Variants in RS1 observed in about 807,000 individuals in gnomAD.
The protein encoded by RS1 is retinoschisin 1.
A neutral mutation model predicts 20.8 loss-of-function variants in RS1; 2 were observed. The observed-to-expected ratio is 0.10, with a 90% CI of 0.04 to 0.30. RS1 has a LOEUF of 0.30. Ranked by LOEUF, RS1 falls within the 10% of genes least tolerant of loss-of-function variation. RS1 has a pLI of 1.00. For missense variants in RS1, 151 were observed against 189.8 expected (o/e 0.80, Z 1.20); for synonymous variants, 70 against 75.8 (o/e 0.92, Z 0.40).
chrX:18,650,247 A>G (rs1437978272), intron 3 of RS1: 2 of 513,555 alleles, frequency 3.9e-6, no homozygotes, highest in Non-Finnish European at 6.8e-6. Context: ...TGTGTGGCTC[A>G]CTCTGCGATC....
Position 18,644,506 on chromosome X carries a change from G to A in RS1, c.446C>T (p.Thr149Ile). 8.3e-7 allele frequency: 1 copy of A among 1,211,274 alleles called. No homozygotes were observed. The highest frequency in any genetic ancestry group is 1.1e-6 in the Non-Finnish European group (1 of 895,047). ...GGTCCTGTACTGCACGCTGTACTTG[G>A]TCATCCACTCATCGATGTCACAGCG... Reference protein sequence around the residue: ...QGRCDIDEWMTKYSVQYRTDE... With the variant: ...QGRCDIDEWMIKYSVQYRTDE... The change falls in exon 5 of 6, where the codon ACC becomes ATC. Residue 149 changes from threonine to isoleucine, a missense_variant. Coordinates refer to ENST00000379984, the MANE Select transcript of RS1 (RefSeq NM_000330.4).
chrX:18,643,659 G>T (rs149011498), intron 5 of RS1, among the ~76,000 whole-genome samples: 1 of 111,787 alleles, frequency 8.9e-6, no homozygotes, highest in South Asian at 3.8e-4. Flanking sequence ...CGTCTTGGCC[G>T]TACAAATTGT....
chrX:18,651,258 TGTGTGTGAGAGAGAGA>T (rs1359953076), intron 3 of RS1, among the ~76,000 whole-genome samples: 2 of 97,190 alleles, frequency 2.1e-5, no homozygotes, highest in Non-Finnish European at 4.0e-5. Flanking sequence ...TGTGTGTGTG[TGTGTGTGAGAGAGAGA>T]GAGAGAGAGA....
chrX:18,642,276 G>A, intron 5 of RS1, 120 bp from the exon 6 acceptor site: 1 of 764,711 alleles, frequency 1.3e-6, no homozygotes, highest in Non-Finnish European at 2.0e-6. Flanking sequence ...AGTTAAAGCA[G>A]TTTGCGGGTG....
At position 18,655,625 on chromosome X, in the gene RS1, A is replaced by G. The variant is rs146981260; in HGVS notation, c.184+1028T>C. 4.9e-3 allele frequency among the ~76,000 whole-genome samples: 546 copies of G among 112,084 alleles called. 3 individuals are homozygous for G. Among genetic ancestry groups the G allele is most frequent in the African/African-American group, 0.016 (500 of 30,857 alleles). ...AGACCAGGTTGCAGAAAAAGCCACT[A>G]TCTCAACAGGTGGCTTCACAGCAGG... On this transcript the variant is annotated intron_variant, in intron 3 of 5. Transcript: ENST00000379984.
At chrX:18,667,729 A>C (rs1162260089) in intron 1 of RS1, among the ~76,000 whole-genome samples, 1 of 110,898 alleles carries the variant, frequency 9.0e-6, no homozygotes, top group Non-Finnish European at 1.9e-5. Flanking sequence ...CAAGGAAGAG[A>C]GGCCTGCTTT....
chrX:18,652,146 G>A (rs1374938729), intron 3 of RS1, among the ~76,000 whole-genome samples: 2 of 110,970 alleles, frequency 1.8e-5, no homozygotes, highest in Non-Finnish European at 3.8e-5. Flanking sequence ...ACAGGTGCTG[G>A]GCACTCTCTA....
At chrX:18,666,930 ATC>A (rs760735118) in intron 1 of RS1, among the ~76,000 whole-genome samples, 9 of 110,768 alleles carry the variant, frequency 8.1e-5, no homozygotes, top group African/African-American at 3.0e-4. Flanking sequence ...GAGGAGGATG[ATC>A]TGTTTGGGAC....
Position 18,640,771 on chromosome X carries a change from C to G in RS1, c.*1233G>C, listed in dbSNP as rs966612203. 2 of 112,429 alleles carry G rather than the reference C, an allele frequency of 1.8e-5. No individual in the cohort carries two copies. Among genetic ancestry groups the G allele is most frequent in the Non-Finnish European group, 3.8e-5 (2 of 53,204 alleles). 9.3% of individuals were successfully genotyped at this position (112,429 alleles called of 1,213,427 possible). ...GCCAGAACAGTCTTTAGAGCAGCCT[C>G]GTCCTCTGATTCCACCACCTGCTCT... On this transcript the variant is annotated 3_prime_UTR_variant, in exon 6 of 6. Coordinates refer to ENST00000379984, the MANE Select transcript of RS1 (RefSeq NM_000330.4).
chrX:18,670,419 G>T (rs1403574750), intron 1 of RS1, among the ~76,000 whole-genome samples: 1 of 109,787 alleles, frequency 9.1e-6, no homozygotes, highest in Non-Finnish European at 1.9e-5. Context: ...TAGAGACGGG[G>T]TTTCACCAGG....
At chrX:18,655,095 A>T (rs1179996154) in intron 3 of RS1, among the ~76,000 whole-genome samples, 1 of 112,255 alleles carries the variant, frequency 8.9e-6, no homozygotes, top group Non-Finnish European at 1.9e-5. Context: ...CAAGCCTCTG[A>T]AAATTGGATC....
At chrX:18,652,370 GAATT>G (rs1346023949) in intron 3 of RS1, among the ~76,000 whole-genome samples, 1 of 112,325 alleles carries the variant, frequency 8.9e-6, no homozygotes, top group East Asian at 2.8e-4. Flanking sequence ...TGTTGTGAAA[GAATT>G]AAGGGGATCC....
Position 18,641,936 on chromosome X carries a change from G to T in RS1, c.*68C>A. On this transcript the variant is annotated 3_prime_UTR_variant, in exon 6 of 6. Transcript: ENST00000379984. ...ATAGCCCTGTCCATCTCGGTGGTGT[G>T]TGAGGGGGTCCCCTACGGCCCGCTC... 1 of 1,126,179 alleles carries T rather than the reference G, an allele frequency of 8.9e-7. No individual in the cohort carries two copies. Among genetic ancestry groups the T allele is most frequent in the Non-Finnish European group, 1.2e-6 (1 of 828,022 alleles). 92.8% of individuals were successfully genotyped at this position (1,126,179 alleles called of 1,213,427 possible).
At chrX:18,650,560 C>T in intron 3 of RS1, 2 of 1,212,322 alleles carry the variant, frequency 1.6e-6, no homozygotes, top group Non-Finnish European at 2.2e-6. Flanking sequence ...GTCCGAGGCA[C>T]TGATGCTTTC....
intron 4 of RS1, among the ~76,000 whole-genome samples, chrX:18,646,646 G>A (rs1228628627): frequency 9.0e-6 from 1 of 111,314 alleles, no homozygotes; most frequent in African/African-American, 3.3e-5. Context: ...ACCTCCGCTT[G>A]CCTCTCCACC....
Position 18,640,300 on chromosome X carries a change from G to A in RS1, c.*1704C>T, listed in dbSNP as rs190004049. 123 of 110,404 alleles carry A rather than the reference G, an allele frequency of 1.1e-3. No individual in the cohort carries two copies. Among genetic ancestry groups the A allele is most frequent in the African/African-American group, 4.0e-3 (121 of 30,314 alleles). The allele number at this position is 110,404 out of a possible 1,213,427, so 9.1% of individuals were successfully genotyped here. On this transcript the variant is annotated 3_prime_UTR_variant, in exon 6 of 6. Coordinates refer to ENST00000379984, the MANE Select transcript of RS1 (RefSeq NM_000330.4). Reference sequence around the variant, plus strand: ...TGTGTTTGATGTGCCTTAACTCTTAGGATACTGCCATTTTGTCTGACAGTC... The same window carrying A: ...TGTGTTTGATGTGCCTTAACTCTTAAGATACTGCCATTTTGTCTGACAGTC...
chrX:18,655,373 C>A (rs886126987), intron 3 of RS1, among the ~76,000 whole-genome samples: 4 of 111,949 alleles, frequency 3.6e-5, no homozygotes, highest in African/African-American at 1.3e-4. Context: ...AAGACAAGAG[C>A]AGAATGGACT....
chrX:18,660,753 G>T (rs1417070617), intron 1 of RS1, among the ~76,000 whole-genome samples: 1 of 111,788 alleles, frequency 8.9e-6, no homozygotes, highest in East Asian at 2.8e-4. Context: ...CTTTTTTTGT[G>T]TCCACTGTAG....
intron 3 of RS1, among the ~76,000 whole-genome samples, 178 bp downstream of exon 3, chrX:18,656,475 C>T (rs1440833974): frequency 6.3e-5 from 7 of 111,825 alleles, no homozygotes; most frequent in African/African-American, 9.7e-5. Flanking sequence ...GGAGAAAACC[C>T]GCATTAACAT....
Sources: allele counts gnomAD v4.1 joint callset (sites outside exome capture counted in the v4.1 genomes callset), GRCh38; gene constraint gnomAD v4.1.1; transcripts MANE v1.5; gene names NCBI Gene and HGNC (gene_info 2026-07-23, HGNC 2026-07-21).